The following RALGAPA1 variants were observed in gnomAD, a reference collection of about 807,000 sequenced individuals.
RALGAPA1 encodes ral GTPase-activating protein subunit alpha-1.
RALGAPA1 carries 52 observed loss-of-function variants against 269.6 expected under a neutral mutation model. The ratio of observed to expected loss-of-function variants is 0.19; its 90% CI spans 0.15 to 0.24. RALGAPA1 has a LOEUF of 0.24. Among genes scored for constraint, RALGAPA1 ranks in the 10% least tolerant of loss-of-function variants. The pLI, the probability that RALGAPA1 is intolerant of heterozygous loss-of-function variation, is 1.00. For synonymous variants in RALGAPA1, 817 were observed against 1,008.3 expected (o/e 0.81, Z 3.60); for missense variants, 1,917 against 3,013.9 (o/e 0.64, Z 8.52).
At chr14:35,711,497 G>C (rs1010228314) in intron 16 of RALGAPA1, among the ~76,000 whole-genome samples, 1 of 152,110 alleles carries the variant, frequency 6.6e-6, no homozygotes, top group Admixed American at 6.5e-5. Context: ...ACCCAAGTGG[G>C]AGTGCGGTGG....
intron 16 of RALGAPA1, among the ~76,000 whole-genome samples, chr14:35,710,911 TGTA>T (rs1472644085): frequency 6.6e-6 from 1 of 152,228 alleles, no homozygotes; most frequent in African/African-American, 2.4e-5. Flanking sequence ...AGCCTAGGTA[TGTA>T]GTAGACTATG....
At chr14:35,679,160 T>G (rs1285833043) in intron 21 of RALGAPA1, among the ~76,000 whole-genome samples, 1 of 152,200 alleles carries the variant, frequency 6.6e-6, no homozygotes, top group South Asian at 2.1e-4. Flanking sequence ...CTTGTGGTGG[T>G]TATAATATAG....
intron 22 of RALGAPA1, among the ~76,000 whole-genome samples, chr14:35,675,208 C>T (rs1595087828): frequency 6.6e-6 from 1 of 152,128 alleles, no homozygotes; most frequent in East Asian, 1.9e-4. Flanking sequence ...TGGAGTCTTG[C>T]ACTCTCTCCC....
At chr14:35,581,707 AATT>A (rs1436512185) in intron 37 of RALGAPA1, among the ~76,000 whole-genome samples, 3 of 152,180 alleles carry the variant, frequency 2.0e-5, no homozygotes, top group Non-Finnish European at 4.4e-5. Flanking sequence ...CTATGGCTAT[AATT>A]ATTTTTTTAA....
At chr14:35,806,458 T>C (rs574535457) in intron 1 of RALGAPA1, among the ~76,000 whole-genome samples, 1 of 152,294 alleles carries the variant, frequency 6.6e-6, no homozygotes, top group Admixed American at 6.5e-5. Context: ...TATGCAACAG[T>C]ATCAATAAAC....
chr14:35,773,375 AT>A (rs1395057969), intron 3 of RALGAPA1, among the ~76,000 whole-genome samples: 1 of 152,058 alleles, frequency 6.6e-6, no homozygotes, highest in Non-Finnish European at 1.5e-5. Flanking sequence ...AAATCAAATG[AT>A]TTTTTCAAAA....
At chr14:35,606,560 G>T (rs1194197691) in intron 35 of RALGAPA1, among the ~76,000 whole-genome samples, 1 of 152,146 alleles carries the variant, frequency 6.6e-6, no homozygotes, top group Non-Finnish European at 1.5e-5. Context: ...CAAGTTCTTA[G>T]ACATTTTATT....
At chr14:35,575,284 T>C (rs778419877) in intron 37 of RALGAPA1, among the ~76,000 whole-genome samples, 15 of 152,238 alleles carry the variant, frequency 9.9e-5, no homozygotes, top group Non-Finnish European at 1.5e-4. Flanking sequence ...GTTAAAACGA[T>C]TGGCAACCAA....
intron 1 of RALGAPA1, among the ~76,000 whole-genome samples, chr14:35,785,076 C>A (rs1161987990): frequency 1.3e-5 from 2 of 152,172 alleles, no homozygotes; most frequent in Non-Finnish European, 2.9e-5. Flanking sequence ...TCTAATTGTA[C>A]ATGTCCAAAA....
chr14:35,683,548 CT>C (rs1372357704), intron 21 of RALGAPA1: 3 of 264,708 alleles, frequency 1.1e-5, no homozygotes, highest in Admixed American at 4.8e-5. Flanking sequence ...TTTTTTAATC[CT>C]GCAGAAAATG....
At chr14:35,736,352 A>G (rs979090593) in intron 12 of RALGAPA1, among the ~76,000 whole-genome samples, 17 of 152,232 alleles carry the variant, frequency 1.1e-4, no homozygotes, top group Admixed American at 1.1e-3. Context: ...ATTTTAGTTA[A>G]GGATTCACAG....
In RALGAPA1 at chr14:35,591,288, C is replaced by G. The variant is rs1471844623; in HGVS notation, c.7209+4346G>C. 3.3e-5 allele frequency among the ~76,000 whole-genome samples: 5 copies of G among 149,940 alleles called. No homozygotes were observed. The South Asian group carries it at 1.1e-3, about 32-fold the overall frequency. ...GATACAGCATGTTATATTTTAAGTG[C>G]TATGTATGTATGTATGTATGTATGT... On this transcript the variant is annotated intron_variant, in intron 37 of 41. Transcript: ENST00000680220.
chr14:35,692,618 C>T lies in RALGAPA1; in HGVS notation c.2408-2615G>A, dbSNP rs972833101. ...TTTTTTTCTACCAATATTGTAGTACCGGAGAATTTAAATTTAAACAATGTT... is the reference window on the plus strand; with the variant it reads ...TTTTTTTCTACCAATATTGTAGTACTGGAGAATTTAAATTTAAACAATGTT... On this transcript the variant is annotated intron_variant, in intron 17 of 41. Coordinates refer to ENST00000680220, the MANE Select transcript of RALGAPA1 (RefSeq NM_001346249.2). Among the ~76,000 whole-genome samples, 6 of 149,908 alleles carry T rather than the reference C, an allele frequency of 4.0e-5. No individual in the cohort carries two copies. The South Asian group carries it at 6.3e-4, about 16-fold the overall frequency.
intron 36 of RALGAPA1, among the ~76,000 whole-genome samples, chr14:35,600,232 C>CTTTTTTTTTTTTTTTTTTTTTTTTTTTT (rs71124708): frequency 1.1e-3 from 95 of 86,938 alleles, no homozygotes; most frequent in African/African-American, 2.2e-3. Context: ...TTCTTTTTTT[C>CTTTTTTTTTTTTTTTTTTTTTTTTTTTT]TTTTTTTTTT....
chr14:35,621,605 A>G (rs1239085886), intron 35 of RALGAPA1, among the ~76,000 whole-genome samples: 2 of 152,180 alleles, frequency 1.3e-5, no homozygotes, highest in South Asian at 2.1e-4. Flanking sequence ...AATTTTTGCA[A>G]TCTACCCTTC....
At chr14:35,644,111 T>C (rs2139880722) in intron 31 of RALGAPA1, among the ~76,000 whole-genome samples, 1 of 152,314 alleles carries the variant, frequency 6.6e-6, no homozygotes. Context: ...CCTGACATAT[T>C]ATGCACTGTA....
Position 35,684,950 on chromosome 14 carries a change from A to G in RALGAPA1, c.4273T>C (p.Tyr1425His). Residue 1425 changes from tyrosine to histidine, a missense_variant, in exon 20 of 42, where the codon TAT becomes CAT. Tyr to His is a moderately conservative substitution (Grantham distance 83). This residue lies in a region of RALGAPA1 where 615 missense variants were observed against 790.0 expected (regional missense o/e 0.78). Coordinates refer to ENST00000680220, the MANE Select transcript of RALGAPA1 (RefSeq NM_001346249.2). Reference sequence around the variant, plus strand: ...TTGCTGTCAAATTTTCGGCCATCATATTGGAAAGCGCTGAAAGAATCCGAA... The same window carrying G: ...TTGCTGTCAAATTTTCGGCCATCATGTTGGAAAGCGCTGAAAGAATCCGAA... Reference protein sequence around the residue: ...SHSDSFSAFQYDGRKFDNFGF... With the variant: ...SHSDSFSAFQHDGRKFDNFGF... 1 of 1,613,490 alleles carries G rather than the reference A, an allele frequency of 6.2e-7. No homozygotes were observed. Among genetic ancestry groups the G allele is most frequent in the Non-Finnish European group, 8.5e-7 (1 of 1,179,886 alleles).
chr14:35,556,633 G>A (rs1159516263), intron 39 of RALGAPA1, among the ~76,000 whole-genome samples: 3 of 152,194 alleles, frequency 2.0e-5, no homozygotes, highest in South Asian at 2.1e-4. Flanking sequence ...TCTACACCAT[G>A]AAGGAAAAGC....
intron 27 of RALGAPA1, among the ~76,000 whole-genome samples, chr14:35,662,209 G>C (rs2063582959): frequency 6.6e-6 from 1 of 152,146 alleles, no homozygotes; most frequent in South Asian, 2.1e-4. Flanking sequence ...GATTTTGAAA[G>C]ACAAAGTCAG....
Sources: gnomAD v4.1 joint callset for allele counts (sites outside exome capture counted in the v4.1 genomes callset) on GRCh38, gnomAD v4.1.1 for gene constraint, gnomAD v4.1.1 regional missense constraint, MANE v1.5 for transcripts, NCBI Gene and HGNC (gene_info 2026-07-23, HGNC 2026-07-21) for gene names.